ELP4: variants seen among roughly 807,000 people sequenced by gnomAD.
ELP4 encodes the protein elongator acetyltransferase complex subunit 4.
ELP4 carries 51 observed loss-of-function variants against 48.9 expected under a neutral mutation model. The observed-to-expected ratio is 1.04, with a 90% confidence interval of 0.83 to 1.32. The LOEUF (loss-of-function observed/expected upper bound fraction) is 1.32, where lower values mean the gene tolerates loss of function less well. ELP4 is among the 40% of genes most tolerant of loss of function. The pLI is 0.00. For missense variants in ELP4, 519 were observed against 514.6 expected (o/e 1.01, Z -0.08); for synonymous variants, 210 against 189.2 (o/e 1.11, Z -0.90).
chr11:31,615,308 G>C (rs1958055959), intron 5 of ELP4, among the ~76,000 whole-genome samples: 1 of 151,952 alleles, frequency 6.6e-6, no homozygotes, highest in South Asian at 2.1e-4. Flanking sequence ...ACAGGCAAAA[G>C]GTTAACGTTA....
intron 9 of ELP4, among the ~76,000 whole-genome samples, chr11:31,684,080 A>G (rs771019837): frequency 2.6e-5 from 4 of 152,202 alleles, no homozygotes; most frequent in African/African-American, 4.8e-5. Flanking sequence ...TTGAAAGTCT[A>G]ACTAAAGCTA....
At chr11:31,691,206 A>G (rs1313655578) in intron 9 of ELP4, among the ~76,000 whole-genome samples, 1 of 152,118 alleles carries the variant, frequency 6.6e-6, no homozygotes, top group Non-Finnish European at 1.5e-5. Context: ...GGCATGTTAC[A>G]CAAGTACTTA....
chr11:31,603,518 C>T (rs1957817746), intron 4 of ELP4, among the ~76,000 whole-genome samples: 1 of 151,480 alleles, frequency 6.6e-6, no homozygotes, highest in African/African-American at 2.4e-5. Context: ...TTTGTAAATT[C>T]TTGTCAAATT....
intron 5 of ELP4, among the ~76,000 whole-genome samples, chr11:31,613,153 A>C (rs1958013849): frequency 6.6e-6 from 1 of 152,122 alleles, no homozygotes; most frequent in Non-Finnish European, 1.5e-5. Context: ...TCTGTATAAG[A>C]GATCAGGGGT....
chr11:31,543,704 A>T (rs1204445589), intron 3 of ELP4, among the ~76,000 whole-genome samples: 1 of 152,224 alleles, frequency 6.6e-6, no homozygotes, highest in Non-Finnish European at 1.5e-5. Context: ...ATAAAAGCAC[A>T]TTACATAGAT....
Position 31,776,152 on chromosome 11 carries a change from C to CAAA in ELP4, c.1144-7220_1144-7218dup, listed in dbSNP as rs371572032. On this transcript the variant is annotated intron_variant, in intron 9 of 9. Coordinates refer to ENST00000640961, the MANE Select transcript of ELP4 (RefSeq NM_019040.5). ...GGCAAAAGAGTGAGACCCTATCTCA[C>CAAA]AAAAAAAAAAAAAAAAAAAAAAAGA... 9.0e-3 allele frequency among the ~76,000 whole-genome samples: 444 copies of CAAA among 49,082 alleles called. 2 individuals carry two copies. Among genetic ancestry groups the CAAA allele is most frequent in the Non-Finnish European group, 0.011 (291 of 27,122 alleles). 32.2% of individuals were successfully genotyped at this position (49,082 alleles called of 152,430 possible). A position where few individuals can be genotyped will look rare whatever the true frequency, so the allele number is the denominator to read the frequency against.
intron 3 of ELP4, among the ~76,000 whole-genome samples, chr11:31,585,601 A>T (rs2133977897): frequency 6.6e-6 from 1 of 152,338 alleles, no homozygotes; most frequent in Middle Eastern, 3.4e-3. Context: ...ATTCCTCCGT[A>T]AGAGATTTAT....
intron 4 of ELP4, among the ~76,000 whole-genome samples, chr11:31,595,849 G>A (rs1957662016): frequency 6.6e-6 from 1 of 152,156 alleles, no homozygotes; most frequent in Admixed American, 6.5e-5. Flanking sequence ...ATTTAAGATT[G>A]TATGTATACA....
Position 31,519,438 on chromosome 11 carries a change from A to G in ELP4, c.224-618A>G, listed in dbSNP as rs150687559. Among the ~76,000 whole-genome samples, 761 of 152,356 alleles carry G rather than the reference A, an allele frequency of 5.0e-3. 6 individuals are homozygous for G. Among genetic ancestry groups the G allele is most frequent in the Non-Finnish European group, 7.9e-3 (539 of 68,036 alleles). ...AATTTATTAACAAGTGCTAAATATA[A>G]CATTATTGGAGTCCTTAACCACAGT... On this transcript the variant is annotated intron_variant, in intron 1 of 9. Coordinates refer to ENST00000640961, the MANE Select transcript of ELP4 (RefSeq NM_019040.5).
chr11:31,584,800 C>T (rs561321450), intron 3 of ELP4, among the ~76,000 whole-genome samples: 39 of 152,282 alleles, frequency 2.6e-4, no homozygotes, highest in Admixed American at 8.5e-4. Context: ...ACTGGGATTA[C>T]AGGCATGAGC....
intron 3 of ELP4, among the ~76,000 whole-genome samples, chr11:31,574,353 T>C (rs934284145): frequency 3.9e-5 from 6 of 152,210 alleles, no homozygotes; most frequent in Middle Eastern, 3.4e-3. Flanking sequence ...ACTCCACCTC[T>C]GGGGGCAGGG....
chr11:31,678,886 A>G (rs534655886), intron 9 of ELP4, among the ~76,000 whole-genome samples: 25 of 152,274 alleles, frequency 1.6e-4, no homozygotes, highest in Admixed American at 1.6e-3. Flanking sequence ...AATGAATGAG[A>G]GTTCCTGTTG....
intron 3 of ELP4, among the ~76,000 whole-genome samples, chr11:31,583,679 A>C (rs1957426706): frequency 6.6e-6 from 1 of 152,236 alleles, no homozygotes; most frequent in Non-Finnish European, 1.5e-5. Flanking sequence ...GCTTCTTCAA[A>C]ATTCTGGTTG....
At chr11:31,537,826 G>A (rs1259742490) in intron 2 of ELP4, among the ~76,000 whole-genome samples, 3 of 151,984 alleles carry the variant, frequency 2.0e-5, no homozygotes, top group African/African-American at 7.3e-5. Flanking sequence ...ATTTGGGCAG[G>A]GACACAGACC....
chr11:31,772,197 G>A (rs1948160436), intron 9 of ELP4, among the ~76,000 whole-genome samples: 1 of 144,408 alleles, frequency 6.9e-6, no homozygotes, highest in African/African-American at 2.6e-5. Flanking sequence ...TCAGCTCACT[G>A]CAACCTCCAC....
In ELP4 at chr11:31,632,138, A is replaced by G. The variant is rs1944873179; in HGVS notation, c.739-79A>G. 3 of 1,194,744 alleles carry G rather than the reference A, an allele frequency of 2.5e-6. No individual in the cohort carries two copies. In the East Asian group the frequency reaches 7.4e-5, roughly 30 times the overall value. The allele number at this position is 1,194,744 out of a possible 1,614,324, so 74.0% of individuals were successfully genotyped here. On this transcript the variant is annotated intron_variant, in intron 6 of 9. Coordinates refer to ENST00000640961, the MANE Select transcript of ELP4 (RefSeq NM_019040.5). ...ACATTGTCTCCCTGATGTTATAAAGATAAGAACTGACAGATAAAAGTGGTA... is the reference window on the plus strand; with the variant it reads ...ACATTGTCTCCCTGATGTTATAAAGGTAAGAACTGACAGATAAAAGTGGTA...
chr11:31,564,426 A>G (rs1020024013), intron 3 of ELP4, among the ~76,000 whole-genome samples: 1 of 151,756 alleles, frequency 6.6e-6, no homozygotes, highest in Non-Finnish European at 1.5e-5. Context: ...CATGCACACA[A>G]CGTGCAGGTT....
chr11:31,549,808 C>CA (rs1386716760), intron 3 of ELP4, among the ~76,000 whole-genome samples: 19 of 152,116 alleles, frequency 1.2e-4, no homozygotes, highest in African/African-American at 3.9e-4. Flanking sequence ...TATGCAGCCA[C>CA]AAAAAATGAT....
At chr11:31,555,167 G>A (rs996635326) in intron 3 of ELP4, among the ~76,000 whole-genome samples, 1 of 152,082 alleles carries the variant, frequency 6.6e-6, no homozygotes, top group Non-Finnish European at 1.5e-5. Flanking sequence ...TGCTATGTAC[G>A]ATGAATGACT....
Sources: gnomAD v4.1 joint callset for allele counts (sites outside exome capture counted in the v4.1 genomes callset) on GRCh38, gnomAD v4.1.1 for gene constraint, MANE v1.5 for transcripts, NCBI Gene and HGNC (gene_info 2026-07-23, HGNC 2026-07-21) for gene names.